SNTG2: variants seen among roughly 807,000 people sequenced by gnomAD.
SNTG2 encodes the protein syntrophin gamma 2.
SNTG2 carries 74 observed loss-of-function variants against 70.9 expected under a neutral mutation model. That is an observed-to-expected ratio of 1.04 (90% CI 0.86 to 1.27). SNTG2 has a LOEUF of 1.27. Ranked by LOEUF, SNTG2 falls within the 50% of genes most tolerant of loss-of-function variation. The pLI is 0.00. For missense variants in SNTG2, 717 were observed against 690.7 expected (o/e 1.04, Z -0.43); for synonymous variants, 278 against 273.8 (o/e 1.02, Z -0.15).
At chr2:1,025,608 C>T (rs1660435906) in intron 1 of SNTG2, among the ~76,000 whole-genome samples, 1 of 152,136 alleles carries the variant, frequency 6.6e-6, no homozygotes, top group African/African-American at 2.4e-5. Context: ...CGCCTTGGCT[C>T]CTGGCTACGT....
chr2:1,193,716 C>T (rs1181655479), intron 8 of SNTG2, among the ~76,000 whole-genome samples: 1 of 152,192 alleles, frequency 6.6e-6, no homozygotes, highest in African/African-American at 2.4e-5. Flanking sequence ...CGCCTGACAG[C>T]AAAGGGCAGA....
intron 16 of SNTG2, among the ~76,000 whole-genome samples, chr2:1,334,151 T>C (rs1450596441): frequency 6.6e-6 from 1 of 152,056 alleles, no homozygotes; most frequent in African/African-American, 2.4e-5. Flanking sequence ...TAGGCAATTC[T>C]CAAAAGAAAA....
At chr2:1,281,322 GTGGT>G (rs1572914906) in intron 14 of SNTG2, among the ~76,000 whole-genome samples, 3 of 94,852 alleles carry the variant, frequency 3.2e-5, no homozygotes, top group South Asian at 3.7e-4. Flanking sequence ...GTGTGTTTGT[GTGGT>G]GTGTGTGTGT....
chr2:963,772 C>G (rs1660436160), intron 1 of SNTG2, among the ~76,000 whole-genome samples: 1 of 152,112 alleles, frequency 6.6e-6, no homozygotes, highest in Non-Finnish European at 1.5e-5. Context: ...CAAACTAACT[C>G]TAGAATCTTA....
intron 1 of SNTG2, among the ~76,000 whole-genome samples, chr2:972,291 G>A (rs960470142): frequency 1.6e-4 from 25 of 152,102 alleles, no homozygotes; most frequent in African/African-American, 5.3e-4. Context: ...TTCTAAGTAC[G>A]TGTTTTATGA....
intron 6 of SNTG2, among the ~76,000 whole-genome samples, chr2:1,158,795 C>T (rs143869682): frequency 2.2e-4 from 33 of 152,230 alleles, no homozygotes; most frequent in African/African-American, 6.7e-4. Flanking sequence ...CGTTGCCAAT[C>T]GTGGTAAGTC....
chr2:1,323,903 G>A (rs1681651767), intron 16 of SNTG2, among the ~76,000 whole-genome samples: 1 of 151,122 alleles, frequency 6.6e-6, no homozygotes, highest in Middle Eastern at 3.5e-3. Context: ...ATGGGTAACA[G>A]TCACATTGCT....
At chr2:1,119,918 TAAG>T (rs898406964) in intron 4 of SNTG2, among the ~76,000 whole-genome samples, 6 of 151,980 alleles carry the variant, frequency 3.9e-5, no homozygotes, top group African/African-American at 1.5e-4. Flanking sequence ...AATAAGAAAA[TAAG>T]AAAATGTCAT....
intron 14 of SNTG2, among the ~76,000 whole-genome samples, chr2:1,287,696 G>T (rs1335754259): frequency 6.6e-6 from 1 of 152,224 alleles, no homozygotes; most frequent in African/African-American, 2.4e-5. Flanking sequence ...TCATTGGAGG[G>T]CCGGGGCCAC....
chr2:1,123,971 C>T lies in SNTG2; in HGVS notation c.326-13651C>T, dbSNP rs541219843. On this transcript the variant is annotated intron_variant, in intron 4 of 16. Coordinates refer to ENST00000308624, the MANE Select transcript of SNTG2 (RefSeq NM_018968.4). ...GAGAGTAGAATGATGGTCACAGAAGCTGGGGATTGGAGAATGGGGAGATGA... is the reference window on the plus strand; with the variant it reads ...GAGAGTAGAATGATGGTCACAGAAGTTGGGGATTGGAGAATGGGGAGATGA... Among the ~76,000 whole-genome samples the T allele has an allele frequency of 3.3e-4, 50 of 152,246 alleles. 1 individual carries two copies. The highest frequency in any genetic ancestry group is 1.2e-3 in the African/African-American group (48 of 41,556).
intron 4 of SNTG2, among the ~76,000 whole-genome samples, chr2:1,115,420 G>A (rs947708180): frequency 2.7e-5 from 4 of 146,728 alleles, no homozygotes; most frequent in African/African-American, 7.7e-5. Context: ...GTCCTTTTAG[G>A]AGAATTGTGT....
intron 8 of SNTG2, among the ~76,000 whole-genome samples, chr2:1,190,343 G>A (rs1020558747): frequency 2.0e-5 from 3 of 151,418 alleles, no homozygotes; most frequent in Non-Finnish European, 2.9e-5. Flanking sequence ...TAAATGCTGT[G>A]TAAATAGTTC....
chr2:1,173,965 A>C (rs906710776), intron 8 of SNTG2, among the ~76,000 whole-genome samples: 1 of 152,266 alleles, frequency 6.6e-6, no homozygotes, highest in Admixed American at 6.5e-5. Context: ...AATCATCAAA[A>C]TGACTGGATA....
chr2:1,366,791 C>CT (rs1274525924), intron 16 of SNTG2, among the ~76,000 whole-genome samples: 6 of 152,206 alleles, frequency 3.9e-5, no homozygotes, highest in African/African-American at 1.4e-4. Context: ...CAAGCGTGGC[C>CT]TTGGCATGAA....
intron 16 of SNTG2, among the ~76,000 whole-genome samples, chr2:1,364,599 C>A (rs1189589064): frequency 4.7e-5 from 7 of 149,106 alleles, no homozygotes; most frequent in East Asian, 4.0e-4. Context: ...ACTAAAAATA[C>A]AAAAAAAAAT....
intron 14 of SNTG2, among the ~76,000 whole-genome samples, chr2:1,291,632 C>T (rs957141404): frequency 6.6e-6 from 1 of 152,180 alleles, no homozygotes; most frequent in Non-Finnish European, 1.5e-5. Context: ...GTCTTGACAA[C>T]TTTGTTAGGA....
At chr2:1,347,751 T>G (rs1374581851) in intron 16 of SNTG2, among the ~76,000 whole-genome samples, 5 of 152,232 alleles carry the variant, frequency 3.3e-5, no homozygotes, top group Admixed American at 6.5e-5. Flanking sequence ...GAAGAATTTA[T>G]CAGTCCCAGG....
chr2:966,430 G>T (rs1572172385), intron 1 of SNTG2, among the ~76,000 whole-genome samples: 1 of 150,410 alleles, frequency 6.6e-6, no homozygotes, highest in South Asian at 2.1e-4. Flanking sequence ...TTCTCATTGT[G>T]TTCATTTGAA....
chr2:1,136,006 G>T (rs931531007), intron 4 of SNTG2, among the ~76,000 whole-genome samples: 1 of 152,086 alleles, frequency 6.6e-6, no homozygotes, highest in African/African-American at 2.4e-5. Flanking sequence ...GAATTATGAT[G>T]ATTAATTGAT....
Sources: gnomAD v4.1 joint callset for allele counts (sites outside exome capture counted in the v4.1 genomes callset) on GRCh38, gnomAD v4.1.1 for gene constraint, MANE v1.5 for transcripts, NCBI Gene and HGNC (gene_info 2026-07-23, HGNC 2026-07-21) for gene names.